PUS10: variants seen among roughly 807,000 people sequenced by gnomAD.
PUS10 encodes the protein pseudouridine synthase 10, also known as tRNA pseudouridine synthase Pus10.
A neutral mutation model predicts 75.0 loss-of-function variants in PUS10; 59 were observed. The observed-to-expected ratio is 0.79, with a 90% CI of 0.64 to 0.98. The LOEUF is 0.98. Ranked by LOEUF, PUS10 falls within the 50% of genes least tolerant of loss-of-function variation. PUS10 has a pLI of 0.00. For synonymous variants in PUS10, 219 were observed against 211.6 expected (o/e 1.03, Z -0.30); for missense variants, 650 against 614.4 (o/e 1.06, Z -0.61).
At chr2:60,986,153 G>A (rs13398789) in intron 4 of PUS10, among the ~76,000 whole-genome samples, 30,383 of 151,824 alleles carry the variant, frequency 0.2, 3,445 homozygotes, top group African/African-American at 0.29. Flanking sequence ...TAAAAAAACA[G>A]TTTTAAAGTG....
At chr2:60,962,961 G>T in intron 8 of PUS10, 71 bp from the exon 9 acceptor site, 1 of 1,471,486 alleles carries the variant, frequency 6.8e-7, no homozygotes. Context: ...GTGAAACACA[G>T]AACATGGCTG....
At chr2:60,943,852 A>C (rs1209024447) in intron 17 of PUS10, among the ~76,000 whole-genome samples, 15 of 151,926 alleles carry the variant, frequency 9.9e-5, no homozygotes, top group Non-Finnish European at 1.5e-5. Flanking sequence ...GTGGGCAGTC[A>C]GTGTTGAGAA....
chr2:60,944,107 G>A (rs771343152), intron 17 of PUS10: 8 of 407,908 alleles, frequency 2.0e-5, no homozygotes, highest in East Asian at 1.6e-4. Flanking sequence ...CAGCCTGGGT[G>A]ACAGTGCAAG....
At chr2:60,950,880 C>T (rs1675294332) in intron 15 of PUS10, among the ~76,000 whole-genome samples, 1 of 152,190 alleles carries the variant, frequency 6.6e-6, no homozygotes, top group Non-Finnish European at 1.5e-5. Flanking sequence ...TTTATTTCTA[C>T]AGGACAGTTC....
At chr2:60,956,345 G>A (rs1675650804) in intron 11 of PUS10, among the ~76,000 whole-genome samples, 1 of 152,160 alleles carries the variant, frequency 6.6e-6, no homozygotes, top group Non-Finnish European at 1.5e-5. Context: ...AGGGCATCTG[G>A]GAAGCTGAAG....
chr2:60,980,698 C>T (rs567889477), intron 4 of PUS10, among the ~76,000 whole-genome samples: 4 of 151,984 alleles, frequency 2.6e-5, no homozygotes, highest in Non-Finnish European at 5.9e-5. Context: ...CATGAACACA[C>T]AATAAATGTG....
rs1674565186 is a variant in PUS10 at position 60,940,229 on chromosome 2, A to AAATG, written c.*2165_*2166insCATT. On this transcript the variant is annotated 3_prime_UTR_variant, in exon 18 of 18. Transcript: ENST00000316752. Reference sequence around the variant, plus strand: ...CGGTTTTCTTACTTGGACATTTTTCATTTTACCAACTTTATTTTCTTTTGA... The same window carrying AAATG: ...CGGTTTTCTTACTTGGACATTTTTCAAATGTTTTACCAACTTTATTTTCTTTTGA... 1 of 152,414 alleles carries AAATG rather than the reference A, an allele frequency of 6.6e-6. No individual in the cohort carries two copies. The highest frequency in any genetic ancestry group is 6.5e-5 in the Admixed American group (1 of 15,286). 9.4% of individuals were successfully genotyped at this position (152,414 alleles called of 1,614,324 possible).
rs116033979 is a variant in PUS10, at chr2:60,971,728, C to A, written c.469-171G>T. Among the ~76,000 whole-genome samples, 2,347 of 152,178 alleles carry A rather than the reference C, an allele frequency of 0.015. 32 individuals are homozygous for A. Among genetic ancestry groups the A allele is most frequent in the Non-Finnish European group, 0.024 (1,628 of 67,978 alleles). On this transcript the variant is annotated intron_variant, in intron 4 of 17. Transcript: ENST00000316752. ...CAGTGACCTCAGTCTCATTTAAAAT[C>A]AAAAATGAGGTAAGATTTTATTTTG...
At chr2:60,968,903 AT>A (rs1017896953) in intron 5 of PUS10, among the ~76,000 whole-genome samples, 10 of 152,184 alleles carry the variant, frequency 6.6e-5, no homozygotes, top group African/African-American at 2.4e-4. Flanking sequence ...TTCTCTGAAT[AT>A]TAGAAAGATT....
intron 3 of PUS10, among the ~76,000 whole-genome samples, chr2:61,007,228 T>TAAA (rs369386636): frequency 0.067 from 10,137 of 150,402 alleles, 1,164 homozygotes; most frequent in African/African-American, 0.23. Flanking sequence ...TTTTTTTTTT[T>TAAA]AAAAAAAAGA....
chr2:60,951,349 CAT>C (rs1675327213), intron 15 of PUS10, among the ~76,000 whole-genome samples: 3 of 152,132 alleles, frequency 2.0e-5, no homozygotes, highest in Admixed American at 6.5e-5. Context: ...AAGCTCATTA[CAT>C]TTATTGTGCA....
chr2:60,948,014 T>C (rs1217540740), intron 16 of PUS10, 29 bp downstream of exon 16: 1 of 1,613,532 alleles, frequency 6.2e-7, no homozygotes, highest in African/African-American at 1.3e-5. Context: ...TCTGGTTCGA[T>C]GGCGGCAGTG....
intron 15 of PUS10, among the ~76,000 whole-genome samples, chr2:60,952,334 CAAAAA>C (rs78551218): frequency 5.0e-5 from 5 of 100,470 alleles, no homozygotes; most frequent in Non-Finnish European, 7.5e-5. Flanking sequence ...GACTCTGTCT[CAAAAA>C]AAAAAAAAAA....
intron 2 of PUS10, among the ~76,000 whole-genome samples, chr2:61,009,361 T>A (rs940900409): frequency 6.6e-6 from 1 of 152,198 alleles, no homozygotes; most frequent in Non-Finnish European, 1.5e-5. Context: ...AAAAACAAAC[T>A]TTAGTTCTAA....
chr2:60,964,079 C>A (rs990551064), intron 8 of PUS10, among the ~76,000 whole-genome samples: 14 of 152,232 alleles, frequency 9.2e-5, no homozygotes, highest in South Asian at 2.1e-4. Flanking sequence ...AGTGGAAACC[C>A]CAGGCCTGTT....
intron 4 of PUS10, among the ~76,000 whole-genome samples, chr2:60,972,447 G>T (rs1202063760): frequency 2.6e-5 from 4 of 151,744 alleles, no homozygotes; most frequent in Non-Finnish European, 5.9e-5. Context: ...TCCAGCCTGG[G>T]CGACAGAGCG....
At chr2:60,960,211 G>T (rs1402241486) in intron 11 of PUS10, among the ~76,000 whole-genome samples, 181 bp downstream of exon 11, 1 of 150,798 alleles carries the variant, frequency 6.6e-6, no homozygotes, top group Non-Finnish European at 1.5e-5. Context: ...AGGTGGGGTG[G>T]CTCATGCCTA....
chr2:60,999,757 C>A (rs1373578810), intron 4 of PUS10, among the ~76,000 whole-genome samples: 2 of 152,160 alleles, frequency 1.3e-5, no homozygotes, highest in Non-Finnish European at 2.9e-5. Context: ...TACATTGGCA[C>A]TCTGTATCTG....
rs372174292 is a variant in PUS10, at chr2:60,960,493, T to C, written c.899A>G (p.Asn300Ser). The change falls in exon 11 of 18, where the codon AAT (asparagine) becomes AGT (serine). Residue 300 changes from asparagine to serine, a missense_variant. Coordinates refer to ENST00000316752, the MANE Select transcript of PUS10 (RefSeq NM_144709.4). The part of the protein sequence containing the change: ...VAGRYNKYSR[N>S]LPQTPWIIDG... ...AATTATCCAAGGAGTTTGTGGTAGA[T>C]TCCTGGAGTATTTATTATATCTCCC... The C allele has an allele frequency of 6.3e-7, 1 of 1,575,422 alleles. No individual in the cohort carries two copies. Among genetic ancestry groups the C allele is most frequent in the African/African-American group, 1.4e-5 (1 of 72,020 alleles).
Sources: gnomAD v4.1 joint callset for allele counts (sites outside exome capture counted in the v4.1 genomes callset) on GRCh38, gnomAD v4.1.1 for gene constraint, MANE v1.5 for transcripts, NCBI Gene and HGNC (gene_info 2026-07-23, HGNC 2026-07-21) for gene names.